UNC79: variants seen among roughly 807,000 people sequenced by gnomAD.
UNC79 encodes protein unc-79 homolog.
In UNC79, 37 loss-of-function variants were observed where a neutral mutation model predicts 283.1. The observed-to-expected ratio is 0.13, with a 90% CI of 0.10 to 0.17. The LOEUF is 0.17. UNC79 is among the 10% of genes least tolerant of loss of function. UNC79 has a pLI of 1.00. For missense variants in UNC79, 2,272 were observed against 3,211.1 expected (o/e 0.71, Z 7.07); for synonymous variants, 1,107 against 1,200.2 (o/e 0.92, Z 1.61).
chr14:93,591,088 G>A (rs2064639771), intron 22 of UNC79, among the ~76,000 whole-genome samples: 1 of 152,140 alleles, frequency 6.6e-6, no homozygotes, highest in Admixed American at 6.5e-5. Context: ...GTTGGGATGA[G>A]GTCCCTGTTT....
At chr14:93,351,002 A>G (rs1233902260) in intron 1 of UNC79, among the ~76,000 whole-genome samples, 1 of 152,230 alleles carries the variant, frequency 6.6e-6, no homozygotes, top group African/African-American at 2.4e-5. Context: ...AGAGTCATGT[A>G]TTCTCCTGCT....
intron 1 of UNC79, among the ~76,000 whole-genome samples, chr14:93,415,690 A>ATT (rs1349714244): frequency 1.3e-5 from 2 of 151,662 alleles, no homozygotes; most frequent in African/African-American, 4.9e-5. Flanking sequence ...TATTGCCACA[A>ATT]TTTCAGAGCC....
chr14:93,545,529 TA>T (rs1156528958), intron 14 of UNC79, among the ~76,000 whole-genome samples: 1 of 152,188 alleles, frequency 6.6e-6, no homozygotes, highest in Non-Finnish European at 1.5e-5. Context: ...CTAAGTTTCC[TA>T]GGAAGTGACC....
At position 93,469,209 on chromosome 14, in the gene UNC79, C is replaced by T. The variant is rs147004090; in HGVS notation, c.143+1418C>T. On this transcript the variant is annotated intron_variant, in intron 2 of 48. Coordinates refer to ENST00000555664, the Ensembl canonical transcript of UNC79. Reference sequence around the variant, plus strand: ...ATATTGAAAAGTCACGTTTGCAAGACGTAAAGATTCCATTTTCTTGAGCAG... The same window carrying T: ...ATATTGAAAAGTCACGTTTGCAAGATGTAAAGATTCCATTTTCTTGAGCAG... Among the ~76,000 whole-genome samples the T allele has an allele frequency of 2.6e-3, 403 of 152,188 alleles. 2 individuals carry two copies. Among genetic ancestry groups the T allele is most frequent in the African/African-American group, 8.4e-3 (348 of 41,514 alleles).
intron 41 of UNC79, among the ~76,000 whole-genome samples, chr14:93,681,386 T>A (rs1229101767): frequency 2.0e-5 from 3 of 152,188 alleles, no homozygotes; most frequent in African/African-American, 7.2e-5. Flanking sequence ...GGCTTAGAGG[T>A]GTACCCAGTT....
chr14:93,463,129 G>C (rs1345222904), intron 1 of UNC79, among the ~76,000 whole-genome samples: 1 of 152,168 alleles, frequency 6.6e-6, no homozygotes, highest in Non-Finnish European at 1.5e-5. Context: ...ATACGTTCCA[G>C]GGGGAGGAAG....
chr14:93,693,240 T>C (rs1332497175), intron 46 of UNC79, among the ~76,000 whole-genome samples: 1 of 152,188 alleles, frequency 6.6e-6, no homozygotes, highest in Non-Finnish European at 1.5e-5. Context: ...TAATTACATT[T>C]ATTGGATCAC....
At chr14:93,633,926 C>T (rs2068266303) in intron 31 of UNC79, among the ~76,000 whole-genome samples, 1 of 152,090 alleles carries the variant, frequency 6.6e-6, no homozygotes, top group African/African-American at 2.4e-5. Context: ...AGATTGAAAA[C>T]AGCATTGACT....
intron 23 of UNC79, among the ~76,000 whole-genome samples, chr14:93,596,110 G>T (rs187656935): frequency 6.6e-6 from 1 of 152,082 alleles, no homozygotes; most frequent in Non-Finnish European, 1.5e-5. Context: ...ATTATAAAAG[G>T]CATAAATATA....
At position 93,430,468 on chromosome 14, in the gene UNC79, T is replaced by A. The variant is rs2055832282; in HGVS notation, c.-562T>A. 6.6e-6 allele frequency: 1 copy of A among 152,400 alleles called. No homozygotes were observed. The highest frequency in any genetic ancestry group is 2.4e-5 in the African/African-American group (1 of 41,426). 9.4% of individuals were successfully genotyped at this position (152,400 alleles called of 1,614,324 possible). A position where few individuals can be genotyped will look rare whatever the true frequency, so the allele number is the denominator to read the frequency against. On this transcript the variant is annotated 5_prime_UTR_variant, in exon 1 of 49. Coordinates refer to ENST00000555664, the Ensembl canonical transcript of UNC79. The surrounding 1 kb of genome is among the most constrained non-coding windows in gnomAD (Gnocchi z 4.6). ...CCCGGATCCGCCTCCCTCTCCTTCC[T>A]CCCCGAGGTTGAGACGAAGCGTGGG...
exon 27 of UNC79, chr14:93,613,010 G>A (rs753210291): frequency 6.2e-7 from 1 of 1,614,186 alleles, no homozygotes; most frequent in South Asian, 1.1e-5. Flanking sequence ...CAGCAGGAAG[G>A]TTGCTTCATG....
chr14:93,499,392 T>C (rs1344913917), intron 7 of UNC79, among the ~76,000 whole-genome samples: 11 of 152,214 alleles, frequency 7.2e-5, no homozygotes, highest in Admixed American at 7.2e-4. Context: ...TATAAATGGA[T>C]AATCAGTATT....
In UNC79 at chr14:93,530,702, A is replaced by G. The variant is rs535379160; in HGVS notation, c.1093+1376A>G. Among the ~76,000 whole-genome samples, 101 of 152,158 alleles carry G rather than the reference A, an allele frequency of 6.6e-4. 1 individual carries two copies. Among genetic ancestry groups the G allele is most frequent in the Admixed American group, 3.7e-3 (56 of 15,296 alleles). On this transcript the variant is annotated intron_variant, in intron 10 of 48. Coordinates refer to ENST00000555664, the Ensembl canonical transcript of UNC79. ...AGGTGGGCGGATCACAAGGTCAGGAAATCAAGACCATCCTGGCTAACATGG... is the reference window on the plus strand; with the variant it reads ...AGGTGGGCGGATCACAAGGTCAGGAGATCAAGACCATCCTGGCTAACATGG...
intron 47 of UNC79, among the ~76,000 whole-genome samples, chr14:93,697,804 G>C (rs989674329): frequency 3.9e-5 from 6 of 152,154 alleles, no homozygotes; most frequent in African/African-American, 1.4e-4. Flanking sequence ...CATGCCTGTA[G>C]TTCTAGCTAC....
intron 1 of UNC79, among the ~76,000 whole-genome samples, chr14:93,418,305 G>A (rs1206685768): frequency 6.6e-6 from 1 of 151,712 alleles, no homozygotes; most frequent in Non-Finnish European, 1.5e-5. Context: ...GTTTGCCTGG[G>A]TACCAGCAGC....
chr14:93,512,425 G>A (rs1057393088), intron 7 of UNC79, among the ~76,000 whole-genome samples: 11 of 151,882 alleles, frequency 7.2e-5, no homozygotes, highest in African/African-American at 2.7e-4. Context: ...GTGGTTTTAT[G>A]TTCTTCATCA....
At chr14:93,609,898 G>A (rs1050275677) in intron 26 of UNC79, among the ~76,000 whole-genome samples, 26 of 152,138 alleles carry the variant, frequency 1.7e-4, no homozygotes, top group Non-Finnish European at 3.4e-4. Context: ...TAAATTATTA[G>A]AATAAAAGGA....
At chr14:93,485,062 C>T (rs2058342079) in intron 4 of UNC79, among the ~76,000 whole-genome samples, 2 of 152,158 alleles carry the variant, frequency 1.3e-5, no homozygotes, top group Admixed American at 1.3e-4. Flanking sequence ...CAGTGACTCT[C>T]AGCCTTCCTT....
chr14:93,699,165 A>G (rs964985034), intron 47 of UNC79, among the ~76,000 whole-genome samples: 4 of 152,184 alleles, frequency 2.6e-5, no homozygotes, highest in African/African-American at 9.6e-5. Context: ...TGAGGTTTTT[A>G]GATCATTTTC....
Sources: allele counts gnomAD v4.1 joint callset (sites outside exome capture counted in the v4.1 genomes callset), GRCh38; gene constraint gnomAD v4.1.1; non-coding constraint Gnocchi (gnomAD v3.1); transcripts MANE v1.5; gene names NCBI Gene and HGNC (gene_info 2026-07-23, HGNC 2026-07-21).